Variants in TYW1B observed in about 807,000 individuals in gnomAD.
TYW1B encodes tRNA-yW synthesizing protein 1 homolog B, also known as S-adenosyl-L-methionine-dependent tRNA 4-demethylwyosine synthase TYW1B.
TYW1B carries 73 observed loss-of-function variants against 86.9 expected under a neutral mutation model. The observed-to-expected ratio is 0.84, with a 90% CI of 0.70 to 1.02. TYW1B has a LOEUF of 1.02. TYW1B is among the 50% of genes least tolerant of loss of function. The pLI, the probability that TYW1B is intolerant of heterozygous loss-of-function variation, is 0.00. For missense variants in TYW1B, 637 were observed against 827.4 expected (o/e 0.77, Z 2.82); for synonymous variants, 248 against 292.8 (o/e 0.85, Z 1.56).
chr7:72,821,138 A>G (rs1788820843), intron 2 of TYW1B, among the ~76,000 whole-genome samples: 1 of 152,098 alleles, frequency 6.6e-6, no homozygotes. Flanking sequence ...ACACCAGGCT[A>G]ATTTTTGTAT....
chr7:72,810,606 G>A lies in TYW1B; in HGVS notation c.297C>T (p.Thr99=), dbSNP rs567269746. The A allele has an allele frequency of 4.8e-5, 77 of 1,613,616 alleles. No individual in the cohort carries two copies. Among genetic ancestry groups the A allele is most frequent in the Middle Eastern group, 1.7e-4 (1 of 6,054 alleles). ...LVATYTDGLP[T]ESAEWFCKWL... ...ATTTGCAGAACCACTCTGCACTTTC[G>A]GTTGGTAGGCCGTCAGTGTATGTCG... The change falls in exon 4 of 14, where the codon ACC becomes ACT. Residue 99 remains threonine (T), a synonymous_variant. Coordinates refer to ENST00000620995, the MANE Select transcript of TYW1B (RefSeq NM_001145440.3).
intron 7 of TYW1B, among the ~76,000 whole-genome samples, chr7:72,760,574 A>G (rs1298122079): frequency 6.6e-6 from 1 of 152,182 alleles, no homozygotes; most frequent in African/African-American, 2.4e-5. Flanking sequence ...ATAACTTGGC[A>G]TAGTTAGTTG....
intron 13 of TYW1B, among the ~76,000 whole-genome samples, chr7:72,576,694 A>G (rs1459572779): frequency 1.3e-5 from 2 of 151,908 alleles, no homozygotes; most frequent in African/African-American, 4.8e-5. Flanking sequence ...TTGTATTTTT[A>G]GTAAAGACGG....
chr7:72,827,245 T>C (rs1788949966), intron 1 of TYW1B, among the ~76,000 whole-genome samples: 1 of 152,040 alleles, frequency 6.6e-6, no homozygotes, highest in South Asian at 2.1e-4. Flanking sequence ...CCGCCTCTAC[T>C]AAAAATACAA....
intron 11 of TYW1B, among the ~76,000 whole-genome samples, chr7:72,632,285 G>GTATATATATATTATATATAT (rs1554439903): frequency 2.4e-5 from 2 of 83,568 alleles, no homozygotes; most frequent in East Asian, 3.0e-4. Context: ...ATATATACGT[G>GTATATATATATTATATATAT]TATATATATA....
At chr7:72,640,994 T>C (rs372367795) in intron 11 of TYW1B, among the ~76,000 whole-genome samples, 60 of 152,168 alleles carry the variant, frequency 3.9e-4, no homozygotes, top group East Asian at 2.3e-3. Flanking sequence ...GTCTGTTCTA[T>C]GAAAAGATCA....
intron 12 of TYW1B, among the ~76,000 whole-genome samples, chr7:72,622,824 T>C (rs371948252): frequency 2.1e-5 from 3 of 142,818 alleles, no homozygotes; most frequent in East Asian, 3.9e-4. Flanking sequence ...GCACACACAC[T>C]ACACAAACAC....
At chr7:72,777,302 A>G (rs1787972836) in intron 7 of TYW1B, 114 bp downstream of exon 7, 8 of 1,252,850 alleles carry the variant, frequency 6.4e-6, no homozygotes, top group South Asian at 4.2e-5. Context: ...TTAGACTGTT[A>G]TATCTGCCAC....
chr7:72,732,662 A>G (rs1787133378), intron 8 of TYW1B, among the ~76,000 whole-genome samples: 1 of 152,198 alleles, frequency 6.6e-6, no homozygotes, highest in Non-Finnish European at 1.5e-5. Flanking sequence ...TCAAAAATGT[A>G]GAATGATTTC....
intron 12 of TYW1B, among the ~76,000 whole-genome samples, chr7:72,620,940 T>C (rs1304849989): frequency 6.6e-6 from 1 of 152,208 alleles, no homozygotes; most frequent in Non-Finnish European, 1.5e-5. Context: ...CAGGATCATT[T>C]ATGCATCCTT....
At chr7:72,616,962 A>C (rs1812092114) in intron 12 of TYW1B, 123 bp from the exon 13 acceptor site, 1 of 1,306,476 alleles carries the variant, frequency 7.7e-7, no homozygotes, top group African/African-American at 1.5e-5. Context: ...TTTACAGTGA[A>C]GGAAGTGAAT....
chr7:72,625,621 C>T (rs1812325314), intron 12 of TYW1B, among the ~76,000 whole-genome samples: 1 of 150,694 alleles, frequency 6.6e-6, no homozygotes, highest in South Asian at 2.1e-4. Context: ...ATGATTGCAC[C>T]ACTGCACTCC....
chr7:72,607,987 A>G (rs1811844737), intron 13 of TYW1B, among the ~76,000 whole-genome samples: 1 of 152,220 alleles, frequency 6.6e-6, no homozygotes, highest in South Asian at 2.1e-4. Context: ...CCTAAAGGAG[A>G]AAAACAATCA....
intron 6 of TYW1B, among the ~76,000 whole-genome samples, chr7:72,785,765 C>T (rs1199493744): frequency 3.3e-5 from 5 of 152,106 alleles, no homozygotes; most frequent in Admixed American, 2.6e-4. Context: ...TGTGGTGTGT[C>T]ATGGATGATC....
chr7:72,714,119 A>C (rs1786730892), intron 9 of TYW1B, among the ~76,000 whole-genome samples: 2 of 152,240 alleles, frequency 1.3e-5, no homozygotes, highest in African/African-American at 4.8e-5. Context: ...GATCTAAGAA[A>C]ATGAACTCAG....
intron 12 of TYW1B, among the ~76,000 whole-genome samples, chr7:72,628,188 C>G (rs1167701673): frequency 6.6e-6 from 1 of 152,166 alleles, no homozygotes; most frequent in Non-Finnish European, 1.5e-5. Flanking sequence ...GAGGCTGAGG[C>G]AGGAGGACTG....
At chr7:72,774,384 A>G (rs1210695243) in intron 7 of TYW1B, among the ~76,000 whole-genome samples, 4 of 150,230 alleles carry the variant, frequency 2.7e-5, no homozygotes, top group African/African-American at 7.4e-5. Context: ...CCCAGGGGAA[A>G]AAAAAAAAAA....
At chr7:72,767,350 T>A (rs1478973315) in intron 7 of TYW1B, among the ~76,000 whole-genome samples, 1 of 152,176 alleles carries the variant, frequency 6.6e-6, no homozygotes, top group Admixed American at 6.5e-5. Flanking sequence ...CTCACATCTG[T>A]AATACCAGCA....
chr7:72,661,000 T>C (rs1813314917), intron 11 of TYW1B, among the ~76,000 whole-genome samples: 1 of 149,242 alleles, frequency 6.7e-6, no homozygotes, highest in Non-Finnish European at 1.5e-5. Context: ...CTAGGCGTGG[T>C]GGCACGCACC....
Sources: allele counts gnomAD v4.1 joint callset (sites outside exome capture counted in the v4.1 genomes callset), GRCh38; gene constraint gnomAD v4.1.1; transcripts MANE v1.5; gene names NCBI Gene and HGNC (gene_info 2026-07-23, HGNC 2026-07-21).